STXBP4: variants seen among roughly 807,000 people sequenced by gnomAD.
The protein encoded by STXBP4 is syntaxin-binding protein 4.
In STXBP4, 55 loss-of-function variants were observed where a neutral mutation model predicts 76.1. That is an observed-to-expected ratio of 0.72 (90% CI 0.58 to 0.91). The LOEUF is 0.91. Ranked by LOEUF, STXBP4 falls within the 40% of genes least tolerant of loss-of-function variation. The probability of loss-of-function intolerance (pLI) is 0.00; values close to 1 mark genes in which losing one functional copy is unlikely to be tolerated. For synonymous variants in STXBP4, 201 were observed against 220.2 expected (o/e 0.91, Z 0.77); for missense variants, 618 against 636.9 (o/e 0.97, Z 0.32).
At chr17:55,207,153 G>T in the STXBP4 span, among the ~76,000 whole-genome samples, 1 of 152,078 alleles carries the variant, frequency 6.6e-6, no homozygotes, top group Non-Finnish European at 1.5e-5. Context: ...GGATCTCTAC[G>T]CATGACGCTC....
At chr17:54,970,700 T>G (rs1385057602) in intron 1 of STXBP4, among the ~76,000 whole-genome samples, 1 of 152,236 alleles carries the variant, frequency 6.6e-6, no homozygotes, top group African/African-American at 2.4e-5. Context: ...ACAGTACATT[T>G]CCACTCACCA....
intron 8 of STXBP4, among the ~76,000 whole-genome samples, chr17:55,021,995 A>G (rs1239503191): frequency 1.3e-5 from 2 of 152,092 alleles, no homozygotes; most frequent in Non-Finnish European, 2.9e-5. Context: ...CATTGTTTAT[A>G]TTAGTGAAAA....
chr17:55,112,753 A>G (rs1293820721), intron 16 of STXBP4, among the ~76,000 whole-genome samples: 5 of 152,162 alleles, frequency 3.3e-5, no homozygotes, highest in African/African-American at 9.7e-5. Flanking sequence ...GAGAAAGTAT[A>G]TAACAGGAGT....
intron 16 of STXBP4, among the ~76,000 whole-genome samples, chr17:55,128,679 G>C (rs762159589): frequency 6.6e-6 from 1 of 151,680 alleles, no homozygotes; most frequent in East Asian, 1.9e-4. Flanking sequence ...GCAATGGCAC[G>C]ATCTTGGCTC....
chr17:55,095,784 A>C (rs1052985014), intron 16 of STXBP4, among the ~76,000 whole-genome samples: 7 of 152,196 alleles, frequency 4.6e-5, no homozygotes, highest in Non-Finnish European at 8.8e-5. Flanking sequence ...ATCAAAGCTC[A>C]TAGAACTTAA....
At chr17:55,142,899 A>G (rs1358889936) in intron 17 of STXBP4, among the ~76,000 whole-genome samples, 1 of 152,222 alleles carries the variant, frequency 6.6e-6, no homozygotes, top group Admixed American at 6.5e-5. Flanking sequence ...TACTTCCAGA[A>G]TCAGACCTCT....
chr17:55,147,909 G>A (rs1185698541), intron 17 of STXBP4, among the ~76,000 whole-genome samples: 1 of 152,178 alleles, frequency 6.6e-6, no homozygotes, highest in Non-Finnish European at 1.5e-5. Context: ...GAGAAGTGGT[G>A]TGTAGGACAC....
chr17:55,052,961 C>T (rs2078879554), intron 12 of STXBP4, among the ~76,000 whole-genome samples: 5 of 107,240 alleles, frequency 4.7e-5, no homozygotes, highest in Admixed American at 2.2e-4. Flanking sequence ...GGGTTGTATT[C>T]TTTAGAAATG....
At chr17:54,987,604 A>G (rs1366775562) in intron 3 of STXBP4, among the ~76,000 whole-genome samples, 2 of 152,200 alleles carry the variant, frequency 1.3e-5, no homozygotes, top group Non-Finnish European at 2.9e-5. Context: ...TTCAGCCACT[A>G]TATTATGGAT....
At chr17:55,035,907 A>G (rs905548275) in intron 10 of STXBP4, among the ~76,000 whole-genome samples, 11 of 151,956 alleles carry the variant, frequency 7.2e-5, no homozygotes, top group Non-Finnish European at 1.6e-4. Context: ...ATAATTTTAT[A>G]TATTTATTGT....
intron 17 of STXBP4, among the ~76,000 whole-genome samples, chr17:55,159,405 G>C (rs1360335635): frequency 1.3e-4 from 20 of 152,210 alleles, no homozygotes. Context: ...GAATGAATTA[G>C]AAAAGAACTA....
chr17:55,091,243 C>G (rs1226007637), intron 16 of STXBP4, among the ~76,000 whole-genome samples: 2 of 151,956 alleles, frequency 1.3e-5, no homozygotes, highest in African/African-American at 4.8e-5. Flanking sequence ...CTTGGGAATC[C>G]GTTTTGCAGT....
chr17:54,999,774 C>G lies in STXBP4; in HGVS notation c.430C>G (p.Pro144Ala), dbSNP rs1470969739. The change falls in exon 6 of 18, where the codon CCT (proline) becomes GCT (alanine). Residue 144 changes from proline (P) to alanine (A), a missense_variant. Coordinates refer to ENST00000376352, the MANE Select transcript of STXBP4 (RefSeq NM_178509.6). ...ASTLSLFSSPPEILIPKTSST... is the reference protein window; with the variant it reads ...ASTLSLFSSPAEILIPKTSST... ...AACATTAAGTCTTTTTTCTTCTCCTCCTGAAATACTAATCCCAAAGACCTC... is the reference window on the plus strand; with the variant it reads ...AACATTAAGTCTTTTTTCTTCTCCTGCTGAAATACTAATCCCAAAGACCTC... 1 of 1,613,490 alleles carries G rather than the reference C, an allele frequency of 6.2e-7. No individual in the cohort carries two copies. The highest frequency in any genetic ancestry group is 1.1e-5 in the South Asian group (1 of 91,064).
the STXBP4 span, among the ~76,000 whole-genome samples, chr17:55,205,873 C>T: frequency 2.0e-5 from 3 of 151,858 alleles, no homozygotes; most frequent in Admixed American, 6.6e-5. Context: ...TAGGAGTTTC[C>T]TCCTACAAAA....
intron 1 of STXBP4, among the ~76,000 whole-genome samples, chr17:54,969,988 C>T (rs534000626): frequency 6.6e-6 from 1 of 152,160 alleles, no homozygotes; most frequent in African/African-American, 2.4e-5. Flanking sequence ...AAAGTAAGGA[C>T]GTTTTGAAGA....
At chr17:55,098,574 A>G (rs746891689) in intron 16 of STXBP4, among the ~76,000 whole-genome samples, 39 of 152,186 alleles carry the variant, frequency 2.6e-4, no homozygotes, top group Non-Finnish European at 4.9e-4. Context: ...TGTTCCAGAC[A>G]GAGGGAACAG....
chr17:55,147,061 G>A (rs536058100), intron 17 of STXBP4, among the ~76,000 whole-genome samples: 3 of 152,344 alleles, frequency 2.0e-5, no homozygotes, highest in African/African-American at 7.2e-5. Context: ...ATGCCTAGCA[G>A]ATGCCACTTC....
chr17:55,144,664 G>A (rs1242298540), intron 17 of STXBP4, among the ~76,000 whole-genome samples: 1 of 152,168 alleles, frequency 6.6e-6, no homozygotes, highest in East Asian at 1.9e-4. Flanking sequence ...TGAACTGCTT[G>A]TAAATAGCCT....
chr17:55,022,326 T>G (rs1452701388), intron 8 of STXBP4, among the ~76,000 whole-genome samples: 2 of 152,010 alleles, frequency 1.3e-5, no homozygotes, highest in Non-Finnish European at 2.9e-5. Flanking sequence ...TCTACCCTAC[T>G]CCTTTCCTTC....
Sources: gnomAD v4.1 joint callset for allele counts (sites outside exome capture counted in the v4.1 genomes callset) on GRCh38, gnomAD v4.1.1 for gene constraint, MANE v1.5 for transcripts, NCBI Gene and HGNC (gene_info 2026-07-23, HGNC 2026-07-21) for gene names.